FRY: variants seen among roughly 807,000 people sequenced by gnomAD.
FRY encodes FRY microtubule binding protein.
FRY carries 128 observed loss-of-function variants against 348.4 expected under a neutral mutation model. The ratio of observed to expected loss-of-function variants is 0.37; its 90% CI spans 0.32 to 0.43. The LOEUF (loss-of-function observed/expected upper bound fraction) is 0.43. Among genes scored for constraint, FRY ranks in the 20% least tolerant of loss-of-function variants. The pLI is 1.00. For synonymous variants in FRY, 1,370 were observed against 1,374.7 expected, an observed-to-expected ratio of 1.00 and a Z score of 0.08; for missense variants, 2,736 against 3,695.2, an observed-to-expected ratio of 0.74 and a Z score of 6.73.
intron 2 of FRY, among the ~76,000 whole-genome samples, chr13:32,087,061 A>G (rs529388147): frequency 6.6e-6 from 1 of 152,174 alleles, no homozygotes; most frequent in East Asian, 1.9e-4. Context: ...AAATAATAGA[A>G]CATGATCTAG....
intron 58 of FRY, among the ~76,000 whole-genome samples, chr13:32,283,855 T>C (rs1888928725): frequency 6.6e-6 from 1 of 152,178 alleles, no homozygotes; most frequent in African/African-American, 2.4e-5. Flanking sequence ...AGGAGAAAAA[T>C]CTCTTCATGA....
At chr13:32,212,723 T>G (rs919389545) in intron 35 of FRY, among the ~76,000 whole-genome samples, 2 of 152,222 alleles carry the variant, frequency 1.3e-5, no homozygotes, top group African/African-American at 4.8e-5. Context: ...TCGAATCTGA[T>G]AGTTGAATAA....
intron 12 of FRY, 151 bp downstream of exon 12, chr13:32,147,536 C>T (rs1385354262): frequency 2.9e-6 from 2 of 692,936 alleles, no homozygotes; most frequent in African/African-American, 1.8e-5. Flanking sequence ...TTCAGGCTTT[C>T]CATAGTCATT....
At chr13:32,145,809 G>T (rs1186428987) in intron 11 of FRY, among the ~76,000 whole-genome samples, 2 of 151,998 alleles carry the variant, frequency 1.3e-5, no homozygotes, top group Non-Finnish European at 2.9e-5. Context: ...CTCCCAAAGT[G>T]CTGGGATTAC....
chr13:32,198,939 T>C (rs992328811), intron 29 of FRY, among the ~76,000 whole-genome samples: 3 of 152,232 alleles, frequency 2.0e-5, no homozygotes, highest in African/African-American at 4.8e-5. Flanking sequence ...GAATTTTTTC[T>C]AAAGAAAGGC....
At chr13:32,059,458 CAA>C (rs10692049) in intron 1 of FRY, among the ~76,000 whole-genome samples, 43 of 111,390 alleles carry the variant, frequency 3.9e-4, no homozygotes, top group Admixed American at 5.2e-4. Flanking sequence ...ACTTAGGAAG[CAA>C]AAAAAAAAAA....
At chr13:32,089,604 A>G (rs1048159631) in intron 2 of FRY, among the ~76,000 whole-genome samples, 4 of 152,064 alleles carry the variant, frequency 2.6e-5, no homozygotes, top group African/African-American at 9.7e-5. Context: ...ATCTCTATCT[A>G]CAAAAAATAA....
intron 17 of FRY, among the ~76,000 whole-genome samples, chr13:32,162,115 G>A (rs954920331): frequency 1.4e-4 from 21 of 152,294 alleles, no homozygotes; most frequent in African/African-American, 5.1e-4. Flanking sequence ...AAATAAGACT[G>A]AAGAGGTAGA....
chr13:32,228,734 G>GTT (rs1885748399), intron 40 of FRY, 80 bp downstream of exon 40: 1 of 1,179,248 alleles, frequency 8.5e-7, no homozygotes, highest in African/African-American at 1.5e-5. Context: ...CACACAGATG[G>GTT]AAAAGTGATC....
intron 17 of FRY, among the ~76,000 whole-genome samples, chr13:32,166,304 C>A (rs1881730726): frequency 6.6e-6 from 1 of 152,232 alleles, no homozygotes; most frequent in Admixed American, 6.5e-5. Flanking sequence ...AAAATTATAA[C>A]TGCGTCTGTT....
chr13:32,173,333 C>G (rs2138220682), intron 18 of FRY, 34 bp from the exon 19 acceptor site: 1 of 1,543,312 alleles, frequency 6.5e-7, no homozygotes, highest in African/African-American at 1.4e-5. Context: ...TGTTATTTCG[C>G]TGAATACAGA....
chr13:32,131,597 C>T (rs1052544697), intron 7 of FRY, 75 bp from the exon 8 acceptor site: 1 of 988,970 alleles, frequency 1.0e-6, no homozygotes, highest in Non-Finnish European at 1.6e-6. Flanking sequence ...CTCAATCACT[C>T]CCAGATGCTG....
intron 7 of FRY, among the ~76,000 whole-genome samples, chr13:32,130,106 G>C (rs1402407205): frequency 6.8e-6 from 1 of 146,672 alleles, no homozygotes; most frequent in Non-Finnish European, 1.5e-5. Flanking sequence ...TATCACCCAG[G>C]CTAGAGTGCT....
intron 31 of FRY, among the ~76,000 whole-genome samples, chr13:32,204,581 T>C (rs1347973920): frequency 1.3e-5 from 2 of 152,232 alleles, no homozygotes; most frequent in Admixed American, 1.3e-4. Context: ...TTTGCTTCTG[T>C]ACATGCTGTT....
intron 35 of FRY, among the ~76,000 whole-genome samples, chr13:32,212,756 T>A (rs1269799862): frequency 6.6e-6 from 1 of 152,234 alleles, no homozygotes; most frequent in Non-Finnish European, 1.5e-5. Flanking sequence ...AGAGTAGTCA[T>A]CTTGAGATGA....
chr13:32,077,082 T>C (rs1033439755), intron 1 of FRY, among the ~76,000 whole-genome samples: 9 of 151,800 alleles, frequency 5.9e-5, no homozygotes, highest in Non-Finnish European at 1.0e-4. Context: ...CAGAAAAGAA[T>C]GGAAAGGAGC....
At chr13:32,042,202 G>A (rs1168988158) in intron 1 of FRY, among the ~76,000 whole-genome samples, 1 of 151,600 alleles carries the variant, frequency 6.6e-6, no homozygotes, top group Non-Finnish European at 1.5e-5. Flanking sequence ...AGGGAAGGAG[G>A]GAAGAAAGGA....
intron 17 of FRY, among the ~76,000 whole-genome samples, chr13:32,167,991 T>C (rs568878351): frequency 2.4e-4 from 36 of 152,178 alleles, no homozygotes; most frequent in Non-Finnish European, 2.8e-4. Flanking sequence ...TATCTATATA[T>C]TGCAGTTTGT....
In FRY at chr13:32,178,387, C is replaced by A; in HGVS notation, c.2632C>A (p.Pro878Thr). Residue 878 changes from proline to threonine, a missense_variant, in exon 21 of 61, where the codon CCT becomes ACT. Transcript: ENST00000542859. ...CCCCACAGCCCTCAGCTATGCCTGG[C>A]CTTATGCCTTCACTCGGCTCCAGTC... ...HCPTALSYAW[P>T]YAFTRLQSVM... 3.7e-6 allele frequency: 6 copies of A among 1,614,108 alleles called. No individual in the cohort carries two copies. Among genetic ancestry groups the A allele is most frequent in the Non-Finnish European group, 5.1e-6 (6 of 1,179,956 alleles).
Sources: gnomAD v4.1 joint callset for allele counts (sites outside exome capture counted in the v4.1 genomes callset) on GRCh38, gnomAD v4.1.1 for gene constraint, MANE v1.5 for transcripts, NCBI Gene and HGNC (gene_info 2026-07-23, HGNC 2026-07-21) for gene names.